The following KLHL15 variants were observed in gnomAD, a reference collection of about 807,000 sequenced individuals.
KLHL15 encodes kelch like family member 15.
KLHL15 carries 1 observed loss-of-function variant against 29.3 expected under a neutral mutation model. That is an observed-to-expected ratio of 0.03 (90% CI 0.01 to 0.16). KLHL15 has a LOEUF of 0.16. KLHL15 is among the 10% of genes least tolerant of loss of function. The probability of loss-of-function intolerance (pLI) is 1.00; values close to 1 mark genes in which losing one functional copy is unlikely to be tolerated. For missense variants in KLHL15, 215 were observed against 478.5 expected (o/e 0.45, Z 5.14); for synonymous variants, 212 against 184.5 (o/e 1.15, Z -1.21).
At chrX:24,017,365 AATC>A (rs1217188095) in intron 2 of KLHL15, among the ~76,000 whole-genome samples, 1 of 111,033 alleles carries the variant, frequency 9.0e-6, no homozygotes, top group Non-Finnish European at 1.9e-5. Context: ...CATTACTAAT[AATC>A]ATCATCATCT....
intron 2 of KLHL15, among the ~76,000 whole-genome samples, chrX:24,012,213 T>C (rs1569269053): frequency 8.9e-6 from 1 of 112,779 alleles, no homozygotes; most frequent in Non-Finnish European, 1.9e-5. Flanking sequence ...TATCCCTTCC[T>C]ATTTGCTAAT....
At chrX:24,019,085 G>T (rs1299381513) in intron 2 of KLHL15, among the ~76,000 whole-genome samples, 1 of 111,917 alleles carries the variant, frequency 8.9e-6, no homozygotes, top group Non-Finnish European at 1.9e-5. Flanking sequence ...ATGTGATATT[G>T]CAACAGACTG....
intron 3 of KLHL15, among the ~76,000 whole-genome samples, chrX:23,996,226 A>G (rs1194034668): frequency 8.9e-6 from 1 of 111,906 alleles, no homozygotes; most frequent in Non-Finnish European, 1.9e-5. Context: ...GGCCCTTTCT[A>G]CATCCAAAAA....
chrX:24,026,265 G>A (rs1365475324), intron 1 of KLHL15, among the ~76,000 whole-genome samples: 1 of 111,936 alleles, frequency 8.9e-6, no homozygotes, highest in African/African-American at 3.2e-5. Context: ...AGATAATGCC[G>A]GATTTAAAAA....
At chrX:24,002,265 G>A (rs1467236271) in intron 3 of KLHL15, among the ~76,000 whole-genome samples, 1 of 112,357 alleles carries the variant, frequency 8.9e-6, no homozygotes, top group African/African-American at 3.2e-5. Context: ...AAAGAAAGCA[G>A]TTGAAACTAT....
intron 1 of KLHL15, among the ~76,000 whole-genome samples, chrX:24,026,678 C>T (rs1376818685): frequency 9.4e-6 from 1 of 106,659 alleles, no homozygotes; most frequent in Non-Finnish European, 1.9e-5. Flanking sequence ...CTTGAACATA[C>T]CATCTTTCCC....
rs1295731213 is a variant in KLHL15 at position 23,987,198 on chromosome X, A to G, written c.*723T>C. On this transcript the variant is annotated 3_prime_UTR_variant, in exon 4 of 4. Coordinates refer to ENST00000328046, the MANE Select transcript of KLHL15 (RefSeq NM_030624.3). ...TTATTTCAACTTTCTAAAAATGTTA[A>G]TATGTGAAAAGACGTTACATCTAAA... 8.9e-6 allele frequency: 1 copy of G among 112,128 alleles called. No homozygotes were observed. The highest frequency in any genetic ancestry group is 2.8e-4 in the East Asian group (1 of 3,596). 9.2% of individuals were successfully genotyped at this position (112,128 alleles called of 1,213,427 possible).
At chrX:24,004,550 T>G (rs1223573140) in intron 3 of KLHL15, among the ~76,000 whole-genome samples, 1 of 111,401 alleles carries the variant, frequency 9.0e-6, no homozygotes, top group Non-Finnish European at 1.9e-5. Context: ...CCCAGCACTT[T>G]GGGAGGCCAA....
chrX:24,000,556 A>G (rs1929293504), intron 3 of KLHL15, among the ~76,000 whole-genome samples: 2 of 112,539 alleles, frequency 1.8e-5, no homozygotes, highest in South Asian at 3.6e-4. Context: ...CTGAGGGCTT[A>G]TATTTCTCAT....
intron 3 of KLHL15, among the ~76,000 whole-genome samples, chrX:23,998,906 GTATT>G (rs10527854): frequency 0.029 from 3,198 of 109,789 alleles, 115 homozygotes; most frequent in African/African-American, 0.1. Context: ...TTTTTTAAAT[GTATT>G]TATTTATTGA....
At chrX:24,009,773 T>A (rs957179468) in intron 2 of KLHL15, among the ~76,000 whole-genome samples, 2 of 105,265 alleles carry the variant, frequency 1.9e-5, no homozygotes, top group African/African-American at 7.0e-5. Context: ...GTGTATCACC[T>A]GAGGTCAGGA....
At chrX:24,017,174 T>G (rs751962842) in intron 2 of KLHL15, among the ~76,000 whole-genome samples, 26 of 102,468 alleles carry the variant, frequency 2.5e-4, no homozygotes, top group African/African-American at 9.1e-4. Flanking sequence ...ATGGCGCCAT[T>G]GTACTCCAGC....
chrX:24,010,326 C>A (rs1490607223), intron 2 of KLHL15, among the ~76,000 whole-genome samples: 1 of 111,858 alleles, frequency 8.9e-6, no homozygotes, highest in Non-Finnish European at 1.9e-5. Flanking sequence ...CTTACCAGGG[C>A]CTTCATTTCC....
intron 3 of KLHL15, among the ~76,000 whole-genome samples, chrX:23,996,436 G>A (rs779862639): frequency 8.9e-6 from 1 of 111,751 alleles, no homozygotes; most frequent in Non-Finnish European, 1.9e-5. Context: ...GAGGCCAGGC[G>A]AGCGGATCAT....
Position 23,987,868 on chromosome X carries a change from C to T in KLHL15, c.*53G>A. ...TTTCTTTATATGTTTTAATTAATTA[C>T]TCTGTGCAAACAAATACTTTGTTTG... On this transcript the variant is annotated 3_prime_UTR_variant, in exon 4 of 4. Transcript: ENST00000328046. 3 of 1,069,557 alleles carry T rather than the reference C, an allele frequency of 2.8e-6. No individual in the cohort carries two copies. The highest frequency in any genetic ancestry group is 3.8e-6 in the Non-Finnish European group (3 of 795,023). 88.1% of individuals were successfully genotyped at this position (1,069,557 alleles called of 1,213,427 possible). A position where few individuals can be genotyped will look rare whatever the true frequency, so the allele number is the denominator to read the frequency against.
At chrX:24,005,363 T>C (rs1929425490) in intron 3 of KLHL15, among the ~76,000 whole-genome samples, 1 of 112,408 alleles carries the variant, frequency 8.9e-6, no homozygotes, top group African/African-American at 3.2e-5. Flanking sequence ...TATAGTCTAC[T>C]TGTTTAGAAA....
chrX:23,983,912 A>AT lies in KLHL15; in HGVS notation c.*4008dup, dbSNP rs1928942145. 9.0e-6 allele frequency: 1 copy of AT among 111,530 alleles called. No homozygotes were observed. Among genetic ancestry groups the AT allele is most frequent in the Admixed American group, 9.6e-5 (1 of 10,400 alleles). 9.2% of individuals were successfully genotyped at this position (111,530 alleles called of 1,213,427 possible). ...AAGGCAAACCTTAAATTATTCTAAG[A>AT]TTTTTATATCGGCCCTAGGATTATT... On this transcript the variant is annotated 3_prime_UTR_variant, in exon 4 of 4. Coordinates refer to ENST00000328046, the MANE Select transcript of KLHL15 (RefSeq NM_030624.3).
intron 3 of KLHL15, among the ~76,000 whole-genome samples, chrX:24,004,347 TCAAAA>T (rs774846341): frequency 1.8e-5 from 2 of 109,655 alleles, no homozygotes; most frequent in East Asian, 2.9e-4. Context: ...GAGACTCCTC[TCAAAA>T]CAAAACAAAA....
At chrX:24,021,311 G>A (rs1293622254) in intron 2 of KLHL15, among the ~76,000 whole-genome samples, 2 of 110,986 alleles carry the variant, frequency 1.8e-5, no homozygotes, top group South Asian at 3.8e-4. Context: ...CCTCTGCCTG[G>A]ATCACACTAT....
Sources: gnomAD v4.1 joint callset for allele counts (sites outside exome capture counted in the v4.1 genomes callset) on GRCh38, gnomAD v4.1.1 for gene constraint, MANE v1.5 for transcripts, NCBI Gene and HGNC (gene_info 2026-07-23, HGNC 2026-07-21) for gene names.